KIAA0825: variants seen among roughly 807,000 people sequenced by gnomAD.
KIAA0825 encodes KIAA0825.
In KIAA0825, 119 loss-of-function variants were observed where a neutral mutation model predicts 147.6. The observed-to-expected ratio is 0.81, with a 90% CI of 0.69 to 0.94. The LOEUF (loss-of-function observed/expected upper bound fraction) is 0.94. Among genes scored for constraint, KIAA0825 ranks in the 40% least tolerant of loss-of-function variants. The pLI, the probability that KIAA0825 is intolerant of heterozygous loss-of-function variation, is 0.00. For missense variants in KIAA0825, 1,381 were observed against 1,472.7 expected, an observed-to-expected ratio of 0.94 and a Z score of 1.02; for synonymous variants, 470 against 518.1, an observed-to-expected ratio of 0.91 and a Z score of 1.26.
chr5:94,277,964 G>C (rs1299468795), intron 20 of KIAA0825, among the ~76,000 whole-genome samples: 2 of 152,142 alleles, frequency 1.3e-5, no homozygotes. Context: ...CCCTTGCAGG[G>C]ACATGGATGA....
intron 20 of KIAA0825, among the ~76,000 whole-genome samples, chr5:94,270,468 C>G (rs1776933952): frequency 6.6e-6 from 1 of 151,850 alleles, no homozygotes; most frequent in East Asian, 1.9e-4. Flanking sequence ...ATTTCCTGAG[C>G]AAAAAGAACG....
At chr5:94,255,655 G>T (rs1208013944) in intron 20 of KIAA0825, among the ~76,000 whole-genome samples, 2 of 147,400 alleles carry the variant, frequency 1.4e-5, no homozygotes, top group Non-Finnish European at 3.0e-5. Flanking sequence ...TATGCCTGAG[G>T]TAACCTTGTT....
chr5:94,349,308 G>A (rs985031703), intron 20 of KIAA0825, among the ~76,000 whole-genome samples: 1 of 152,086 alleles, frequency 6.6e-6, no homozygotes, highest in Non-Finnish European at 1.5e-5. Flanking sequence ...AATTACTAAT[G>A]GACCTAAGAA....
chr5:94,199,202 G>T (rs1026263300), intron 20 of KIAA0825, among the ~76,000 whole-genome samples: 4 of 152,146 alleles, frequency 2.6e-5, no homozygotes, highest in African/African-American at 9.7e-5. Context: ...TGAATGTCCT[G>T]GGATGGGGCT....
intron 20 of KIAA0825, among the ~76,000 whole-genome samples, chr5:94,341,307 T>G (rs1379850841): frequency 6.6e-6 from 1 of 152,222 alleles, no homozygotes; most frequent in Non-Finnish European, 1.5e-5. Flanking sequence ...TCCTCTGTCT[T>G]ATAAAATGGA....
chr5:94,407,759 T>TAA (rs1752253384), intron 15 of KIAA0825, among the ~76,000 whole-genome samples: 1 of 152,224 alleles, frequency 6.6e-6, no homozygotes, highest in African/African-American at 2.4e-5. Flanking sequence ...GTGCTGATGG[T>TAA]TGCACAGTTC....
At chr5:94,539,751 T>C (rs1772899476) in intron 2 of KIAA0825, among the ~76,000 whole-genome samples, 1 of 151,894 alleles carries the variant, frequency 6.6e-6, no homozygotes, top group Non-Finnish European at 1.5e-5. Context: ...TGGCCAACCT[T>C]GGGTTAGAGA....
intron 20 of KIAA0825, among the ~76,000 whole-genome samples, chr5:94,205,963 A>G (rs1772160857): frequency 6.6e-6 from 1 of 152,156 alleles, no homozygotes; most frequent in Non-Finnish European, 1.5e-5. Context: ...TTTCTTCAGG[A>G]AAGTTTTCTT....
At chr5:94,158,009 T>TA (rs1357839519) in intron 20 of KIAA0825, among the ~76,000 whole-genome samples, 1 of 152,160 alleles carries the variant, frequency 6.6e-6, no homozygotes, top group Non-Finnish European at 1.5e-5. Context: ...CCCTTCCTTT[T>TA]ACTAGGAGAA....
chr5:94,169,711 A>G (rs182901493), intron 20 of KIAA0825, among the ~76,000 whole-genome samples: 2 of 152,268 alleles, frequency 1.3e-5, no homozygotes, highest in Admixed American at 1.3e-4. Flanking sequence ...TCTTTCAGGA[A>G]TTCAATTATT....
At chr5:94,373,199 T>G (rs1746975366) in intron 20 of KIAA0825, among the ~76,000 whole-genome samples, 1 of 152,188 alleles carries the variant, frequency 6.6e-6, no homozygotes, top group Non-Finnish European at 1.5e-5. Context: ...TTCCACATTT[T>G]CCTATCTTCT....
intron 6 of KIAA0825, among the ~76,000 whole-genome samples, chr5:94,482,856 A>G (rs1762642014): frequency 6.6e-6 from 1 of 152,026 alleles, no homozygotes; most frequent in Non-Finnish European, 1.5e-5. Context: ...AATTCCTTCT[A>G]CATCCTGTGT....
intron 20 of KIAA0825, among the ~76,000 whole-genome samples, chr5:94,354,488 C>A (rs1177715986): frequency 6.6e-6 from 1 of 151,964 alleles, no homozygotes. Context: ...ATTGTCATTT[C>A]TATCTCCTTT....
At chr5:94,279,477 T>C (rs922814227) in intron 20 of KIAA0825, among the ~76,000 whole-genome samples, 1 of 152,066 alleles carries the variant, frequency 6.6e-6, no homozygotes, top group Non-Finnish European at 1.5e-5. Flanking sequence ...TGGTACAGAA[T>C]TGCAAATATT....
At chr5:94,617,386 A>G (rs1359484257) in intron 1 of KIAA0825, among the ~76,000 whole-genome samples, 2 of 152,222 alleles carry the variant, frequency 1.3e-5, no homozygotes, top group Non-Finnish European at 2.9e-5. Flanking sequence ...GTGCTGTCCT[A>G]AATATGGTTT....
At chr5:94,473,876 T>C (rs1007071459) in intron 7 of KIAA0825, among the ~76,000 whole-genome samples, 1 of 152,214 alleles carries the variant, frequency 6.6e-6, no homozygotes, top group Non-Finnish European at 1.5e-5. Flanking sequence ...AAATTCAACA[T>C]ATTTAATAAA....
chr5:94,451,784 G>A (rs912871118), intron 13 of KIAA0825, among the ~76,000 whole-genome samples: 2 of 152,074 alleles, frequency 1.3e-5, no homozygotes, highest in East Asian at 1.9e-4. Context: ...AGATAAAAGC[G>A]GGCAGTAAAA....
chr5:94,265,928 CTG>C (rs1162431524), intron 20 of KIAA0825, among the ~76,000 whole-genome samples: 2 of 152,184 alleles, frequency 1.3e-5, no homozygotes, highest in Non-Finnish European at 2.9e-5. Context: ...TTTTAATATT[CTG>C]TGTGACAAAA....
At chr5:94,406,714 C>G (rs1217857969) in intron 15 of KIAA0825, among the ~76,000 whole-genome samples, 1 of 152,172 alleles carries the variant, frequency 6.6e-6, no homozygotes, top group Non-Finnish European at 1.5e-5. Flanking sequence ...GGCATTTTAA[C>G]CTGCTCTATT....
Sources: allele counts gnomAD v4.1 joint callset (sites outside exome capture counted in the v4.1 genomes callset), GRCh38; gene constraint gnomAD v4.1.1; transcripts MANE v1.5; gene names NCBI Gene and HGNC (gene_info 2026-07-23, HGNC 2026-07-21).